The following CYP4A11 variants were observed in gnomAD, a reference collection of about 807,000 sequenced individuals.
CYP4A11 encodes cytochrome P450 family 4 subfamily A member 11.
CYP4A11 carries 52 observed loss-of-function variants against 57.7 expected under a neutral mutation model. The ratio of observed to expected loss-of-function variants is 0.90; its 90% confidence interval spans 0.72 to 1.14. CYP4A11 has a LOEUF of 1.14. CYP4A11 is among the 50% of genes most tolerant of loss of function. The pLI, the probability that CYP4A11 is intolerant of heterozygous loss-of-function variation, is 0.00. For synonymous variants in CYP4A11, 228 were observed against 247.1 expected, an observed-to-expected ratio of 0.92 and a Z score of 0.72; for missense variants, 641 against 642.1, an observed-to-expected ratio of 1.00 and a Z score of 0.02.
chr1:46,934,933 G>C, intron 6 of CYP4A11, 67 bp downstream of exon 6: 1 of 1,575,164 alleles, frequency 6.3e-7, no homozygotes, highest in Non-Finnish European at 8.6e-7. Flanking sequence ...TTCTCTGGCT[G>C]AGGAGTCAGG....
rs777529484 is a variant in CYP4A11, at chr1:46,932,976, C to T, written c.1287+7G>A. The T allele has an allele frequency of 1.2e-6, 2 of 1,614,130 alleles. No individual in the cohort carries two copies. The highest frequency in any genetic ancestry group is 1.6e-4 in the Middle Eastern group (1 of 6,062). ...CACCTCATTTCCTCCTCTCAAGGAC[C>T]ACATACCTCTGGGTTGGGCCACACT... On this transcript the variant is annotated splice_region_variant and intron_variant, in intron 10 of 11. Transcript: ENST00000310638.
chr1:46,939,749 T>C (rs1446014352), intron 1 of CYP4A11, among the ~76,000 whole-genome samples: 1 of 148,694 alleles, frequency 6.7e-6, no homozygotes, highest in African/African-American at 2.5e-5. Flanking sequence ...TAGATATGCG[T>C]GAGAAGATAA....
chr1:46,931,422 G>C (rs1379477172), intron 11 of CYP4A11: 2 of 574,028 alleles, frequency 3.5e-6, no homozygotes, highest in African/African-American at 4.0e-5. Context: ...TGGAGCACAG[G>C]ATATATTTCT....
At chr1:46,940,777 T>G in intron 1 of CYP4A11, 3 of 985,398 alleles carry the variant, frequency 3.0e-6, no homozygotes, top group Non-Finnish European at 3.6e-6. Context: ...CTTCTCAAAT[T>G]CCTGCCTGTA....
Position 46,932,822 on chromosome 1 carries a change from G to T in CYP4A11, c.1303C>A (p.Arg435Ser), listed in dbSNP as rs142881303. 1 of 1,614,178 alleles carries T rather than the reference G, an allele frequency of 6.2e-7. No homozygotes were observed. Among genetic ancestry groups the T allele is most frequent in the Admixed American group, 1.7e-5 (1 of 60,020 alleles). Residue 435 changes from arginine to serine, a missense_variant, in exon 11 of 12, where the codon CGT (arginine) becomes AGT (serine). Coordinates refer to ENST00000310638, the MANE Select transcript of CYP4A11 (RefSeq NM_000778.4). ...WPNPEVFDPF[R>S]FAPGSAQHSH... ...TGTTGAGCAGAACCCGGTGCAAAAC[G>T]GAAAGGGTCAAACACCTGCAGAGAG...
chr1:46,932,310 C>A lies in CYP4A11; in HGVS notation c.1364+451G>T, dbSNP rs1037213997. The A allele has an allele frequency of 4.8e-6, 5 of 1,033,780 alleles. No individual in the cohort carries two copies. The African/African-American group carries it at 6.8e-5, about 14-fold the overall frequency. 64.0% of individuals were successfully genotyped at this position (1,033,780 alleles called of 1,614,324 possible). A position where few individuals can be genotyped will look rare whatever the true frequency, so the allele number is the denominator to read the frequency against. The stretch of plus-strand genomic sequence containing the variant: ...ATGCAAAGACTTCAATGATTCATCT[C>A]TACGACAGACTAGTGAATTAAATAG... On this transcript the variant is annotated intron_variant, in intron 11 of 11. Transcript: ENST00000310638.
rs544403427 is a variant in CYP4A11, at chr1:46,938,661, T to A, written c.196-524A>T. ...CTATAAAATTGTGTGCATAATAGTATTCTACATGTTGAATATGTACAGATT... is the reference window on the plus strand; with the variant it reads ...CTATAAAATTGTGTGCATAATAGTAATCTACATGTTGAATATGTACAGATT... On this transcript the variant is annotated intron_variant, in intron 1 of 11. Coordinates refer to ENST00000310638, the MANE Select transcript of CYP4A11 (RefSeq NM_000778.4). Among the ~76,000 whole-genome samples the A allele has an allele frequency of 5.9e-5, 9 of 152,378 alleles. No homozygotes were observed. In the East Asian group the frequency reaches 1.2e-3, roughly 20 times the overall value.
chr1:46,933,869 C>A, intron 9 of CYP4A11, 77 bp downstream of exon 9: 1 of 1,578,996 alleles, frequency 6.3e-7, no homozygotes, highest in Non-Finnish European at 8.6e-7. Context: ...GTGCAGAATT[C>A]TGATGCACAC....
intron 4 of CYP4A11, 98 bp downstream of exon 4, chr1:46,936,566 A>G: frequency 6.8e-7 from 1 of 1,468,890 alleles, no homozygotes; most frequent in Non-Finnish European, 9.0e-7. Context: ...CCATGTGTCT[A>G]TGTCTATGTC....
At chr1:46,935,222 T>G in intron 5 of CYP4A11, 68 bp from the exon 6 acceptor site, 4 of 1,546,960 alleles carry the variant, frequency 2.6e-6, no homozygotes, top group Non-Finnish European at 3.5e-6. Context: ...GAATGGGGTC[T>G]GAGAGGAGGC....
chr1:46,930,389 C>G (rs1403761766), intron 11 of CYP4A11, 79 bp from the exon 12 acceptor site: 196 of 1,495,086 alleles, frequency 1.3e-4, no homozygotes, highest in Non-Finnish European at 1.8e-4. Context: ...CCCCTGACCC[C>G]AGCCCTGAGC....
chr1:46,934,027 T>A lies in CYP4A11; in HGVS notation c.1141A>T (p.Arg381Trp). The change falls in exon 9 of 12, where the codon AGG becomes TGG. Residue 381 changes from arginine to tryptophan, a missense_variant. Arg to Trp is a moderately radical substitution (Grantham distance 101, BLOSUM62 -3). Coordinates refer to ENST00000310638, the MANE Select transcript of CYP4A11 (RefSeq NM_000778.4). ...ATGCCTGGCACCGGTGGGTAGAGCCTCAGTGCCTCCTTAATGCACATGGTG... is the reference window on the plus strand; with the variant it reads ...ATGCCTGGCACCGGTGGGTAGAGCCACAGTGCCTCCTTAATGCACATGGTG... ...YTTMCIKEAL[R>W]LYPPVPGIGR... is the part of the protein sequence containing the mutation. The A allele has an allele frequency of 6.2e-7, 1 of 1,613,928 alleles. No homozygotes were observed. Among genetic ancestry groups the A allele is most frequent in the South Asian group, 1.1e-5 (1 of 91,050 alleles).
chr1:46,941,057 C>T lies in CYP4A11; in HGVS notation c.195+182G>A, dbSNP rs184538095. 6.3e-4 allele frequency: 610 copies of T among 964,246 alleles called. 1 individual carries two copies. Among genetic ancestry groups the T allele is most frequent in the Non-Finnish European group, 7.2e-4 (581 of 810,840 alleles). The allele number at this position is 964,246 out of a possible 1,614,324, so 59.7% of individuals were successfully genotyped here. On this transcript the variant is annotated intron_variant, in intron 1 of 11. Transcript: ENST00000310638. The stretch of plus-strand genomic sequence containing the variant: ...TAGAGCTGAGGACCAGCAGGATGGG[C>T]TTCATGGGAGAAGTGAGCTCCTCAT...
chr1:46,935,132 C>T lies in CYP4A11; in HGVS notation c.658G>A (p.Ala220Thr). The change falls in exon 6 of 12, where the codon GCC becomes ACC. Residue 220 changes from alanine (A) to threonine (T), a missense_variant. By Grantham distance (58) the Ala-to-Thr change is moderately conservative. Coordinates refer to ENST00000310638, the MANE Select transcript of CYP4A11 (RefSeq NM_000778.4). ...VDRNSQSYIQ[A>T]ISDLNNLVFS... The stretch of plus-strand genomic sequence containing the variant: ...ACCAGGTTGTTCAGGTCACTAATGG[C>T]CTGTATGTAGGACTGAGAATTCCTG... The T allele has an allele frequency of 6.2e-7, 1 of 1,614,052 alleles. No individual in the cohort carries two copies. The highest frequency in any genetic ancestry group is 1.1e-5 in the South Asian group (1 of 91,070).
intron 11 of CYP4A11, chr1:46,931,886 C>G (rs1391938477): frequency 1.0e-6 from 1 of 962,850 alleles, no homozygotes; most frequent in South Asian, 4.8e-5. Flanking sequence ...CCACCGCAAC[C>G]ATTCTGGAGT....
rs2148454347 is a variant in CYP4A11 at position 46,933,046 on chromosome 1, A to G, written c.1224T>C (p.Gly408=). ...TFPDGRSLPK[G]IMVLLSIYGL... is the part of the protein sequence containing the mutation. ...CATAAATGGAGAGGAGGACCATGAT[A>G]CCTGTGGTGCAGGTTGGAAACAGAG... The change falls in exon 10 of 12, where the codon GGT becomes GGC. Residue 408 remains glycine, a splice_region_variant and synonymous_variant. Coordinates refer to ENST00000310638, the MANE Select transcript of CYP4A11 (RefSeq NM_000778.4). 1 of 1,614,140 alleles carries G rather than the reference A, an allele frequency of 6.2e-7. No homozygotes were observed. Among genetic ancestry groups the G allele is most frequent in the Non-Finnish European group, 8.5e-7 (1 of 1,180,020 alleles).
chr1:46,929,549 T>C lies in CYP4A11; in HGVS notation c.*566A>G, dbSNP rs1680884678. 1.3e-5 allele frequency: 1 copy of C among 78,110 alleles called. No individual in the cohort carries two copies. The highest frequency in any genetic ancestry group is 3.3e-5 in the African/African-American group (1 of 30,496). The allele number at this position is 78,110 out of a possible 1,614,324, so 4.8% of individuals were successfully genotyped here. On this transcript the variant is annotated 3_prime_UTR_variant, in exon 12 of 12. Coordinates refer to ENST00000310638, the MANE Select transcript of CYP4A11 (RefSeq NM_000778.4). ...TGGGGGTCGAAAGGGCATGTTGCAT[T>C]AAGCACATGATTTACAGCTGTGACG...
intron 1 of CYP4A11, among the ~76,000 whole-genome samples, chr1:46,939,596 C>G (rs1440123432): frequency 6.6e-6 from 1 of 152,208 alleles, no homozygotes; most frequent in Non-Finnish European, 1.5e-5. Context: ...ACTTATGACA[C>G]TGCAGAACAA....
chr1:46,934,919 G>A (rs1009369827), intron 6 of CYP4A11, 81 bp downstream of exon 6: 13 of 1,560,308 alleles, frequency 8.3e-6, no homozygotes, highest in African/African-American at 4.1e-5. Flanking sequence ...GGTTACTAGG[G>A]GCCTTCTCTG....
Sources: allele counts gnomAD v4.1 joint callset (sites outside exome capture counted in the v4.1 genomes callset), GRCh38; gene constraint gnomAD v4.1.1; transcripts MANE v1.5; gene names NCBI Gene and HGNC (gene_info 2026-07-23, HGNC 2026-07-21).